The following VPS37A variants were observed in gnomAD, a reference collection of about 807,000 sequenced individuals.
The protein encoded by VPS37A is VPS37A subunit of ESCRT-I, also known as vacuolar protein sorting-associated protein 37A.
A neutral mutation model predicts 49.8 loss-of-function variants in VPS37A; 30 were observed. That is an observed-to-expected ratio of 0.60 (90% confidence interval 0.45 to 0.82). VPS37A has a LOEUF of 0.82. VPS37A is among the 40% of genes least tolerant of loss of function. VPS37A has a pLI of 0.00. For synonymous variants in VPS37A, 195 were observed against 160.6 expected (o/e 1.21, Z -1.62); for missense variants, 593 against 464.4 (o/e 1.28, Z -2.55).
intron 1 of VPS37A, among the ~76,000 whole-genome samples, chr8:17,249,280 T>C (rs998122338): frequency 6.6e-6 from 1 of 152,324 alleles, no homozygotes; most frequent in Non-Finnish European, 1.5e-5. Context: ...CAGCAATTGT[T>C]AATGTAAAGA....
At chr8:17,270,112 C>T (rs1454615794) in intron 4 of VPS37A, among the ~76,000 whole-genome samples, 1 of 151,990 alleles carries the variant, frequency 6.6e-6, no homozygotes, top group Non-Finnish European at 1.5e-5. Context: ...AGGACAGCAC[C>T]AAGAGGATGG....
chr8:17,329,307 T>C, the VPS37A span, among the ~76,000 whole-genome samples: 1 of 152,282 alleles, frequency 6.6e-6, no homozygotes, highest in East Asian at 1.9e-4. Flanking sequence ...TAAAAACAGA[T>C]AGTCAAACAT....
At chr8:17,332,630 C>T in the VPS37A span, among the ~76,000 whole-genome samples, 1 of 152,200 alleles carries the variant, frequency 6.6e-6, no homozygotes. Context: ...TGCCCAGCAT[C>T]ACAAGAGAAG....
rs766156946 is a variant in VPS37A at position 17,274,976 on chromosome 8, T to C, written c.642+18T>C. On this transcript the variant is annotated intron_variant, in intron 5 of 11. Transcript: ENST00000324849. ...CAATACCGGTTGGTATCGTCAGTTA[T>C]CTATATTTTGTGCCACTGAAACATT... is the stretch of plus-strand genomic sequence containing the variant. The C allele has an allele frequency of 1.9e-6, 3 of 1,606,816 alleles. No individual in the cohort carries two copies. The highest frequency in any genetic ancestry group is 2.6e-6 in the Non-Finnish European group (3 of 1,173,704).
At position 17,265,252 on chromosome 8, in the gene VPS37A, G is replaced by A. The variant is rs143351671; in HGVS notation, c.126-655G>A. On this transcript the variant is annotated intron_variant, in intron 1 of 11. Coordinates refer to ENST00000324849, the MANE Select transcript of VPS37A (RefSeq NM_152415.3). ...AGGGCAAAATGGGCTCATATCAGTTGTCTATTATTTTGTTCCCTTTAAGAT... is the reference window on the plus strand; with the variant it reads ...AGGGCAAAATGGGCTCATATCAGTTATCTATTATTTTGTTCCCTTTAAGAT... Among the ~76,000 whole-genome samples the A allele has an allele frequency of 3.7e-3, 562 of 152,250 alleles. 3 individuals carry two copies. Among genetic ancestry groups the A allele is most frequent in the African/African-American group, 8.9e-3 (368 of 41,546 alleles).
intron 10 of VPS37A, among the ~76,000 whole-genome samples, chr8:17,286,034 T>A (rs1351278185): frequency 6.6e-6 from 1 of 152,112 alleles, no homozygotes. Flanking sequence ...CCCAGTCGAC[T>A]GGGCTGAGGG....
chr8:17,311,457 G>A, the VPS37A span: 4 of 1,610,756 alleles, frequency 2.5e-6, no homozygotes, highest in Non-Finnish European at 3.4e-6. Context: ...AAAAACAGGG[G>A]TCCATTCCTG....
In VPS37A at chr8:17,276,399, A is replaced by G; in HGVS notation, c.645A>G (p.Thr215=). Residue 215 remains threonine, a splice_region_variant and synonymous_variant, in exon 6 of 12, where the codon ACA becomes ACG. Transcript: ENST00000324849. ...TATCATTTAAAACTTTTCTTTAGAC[A>G]AGCCAAAATGGTTTTGGGTACAAGA... The part of the protein sequence containing the change: ...PIPTVDASIP[T]SQNGFGYKMP... The G allele has an allele frequency of 6.2e-7, 1 of 1,611,340 alleles. No individual in the cohort carries two copies. The highest frequency in any genetic ancestry group is 1.1e-5 in the South Asian group (1 of 90,400).
chr8:17,319,667 A>G, the VPS37A span, among the ~76,000 whole-genome samples: 10 of 152,202 alleles, frequency 6.6e-5, no homozygotes, highest in Non-Finnish European at 7.3e-5. Context: ...GAAGGCACTT[A>G]TTATTCTCAT....
At chr8:17,283,883 A>C (rs1472059818) in intron 9 of VPS37A, among the ~76,000 whole-genome samples, 1 of 152,202 alleles carries the variant, frequency 6.6e-6, no homozygotes, top group East Asian at 1.9e-4. Context: ...AGATTTTGAT[A>C]GGGATTGCAT....
the VPS37A span, among the ~76,000 whole-genome samples, chr8:17,329,137 T>C: frequency 6.6e-6 from 1 of 152,194 alleles, no homozygotes; most frequent in Non-Finnish European, 1.5e-5. Flanking sequence ...ATGAAACGCA[T>C]CATTCATTCC....
At chr8:17,278,926 T>A (rs1275431499) in intron 6 of VPS37A, among the ~76,000 whole-genome samples, 1 of 152,140 alleles carries the variant, frequency 6.6e-6, no homozygotes, top group Non-Finnish European at 1.5e-5. Flanking sequence ...TAGTCAAAAC[T>A]AAGATACGTT....
At chr8:17,321,656 A>G in the VPS37A span, among the ~76,000 whole-genome samples, 2 of 152,328 alleles carry the variant, frequency 1.3e-5, no homozygotes, top group African/African-American at 4.8e-5. Context: ...AGAAATACTT[A>G]TTTGTTCACT....
chr8:17,247,980 CTCAAGAATTACTTTATGT>C (rs1811495450), intron 1 of VPS37A: 1 of 563,476 alleles, frequency 1.8e-6, no homozygotes, highest in African/African-American at 1.9e-5. Flanking sequence ...TGTCCCCACG[CTCAAGAATTACTTTATGT>C]TCATCTTGAT....
Position 17,274,782 on chromosome 8 carries a change from C to G in VPS37A, c.466C>G (p.Pro156Ala). The G allele has an allele frequency of 6.2e-7, 1 of 1,614,090 alleles. No homozygotes were observed. Among genetic ancestry groups the G allele is most frequent in the South Asian group, 1.1e-5 (1 of 91,078 alleles). ...GTCTCCTTATGCTTCTCAGGGTTTTCCATTTCTTCCTCCATATCCTCCACA... is the reference window on the plus strand; with the variant it reads ...GTCTCCTTATGCTTCTCAGGGTTTTGCATTTCTTCCTCCATATCCTCCACA... ...GMSPYASQGFPFLPPYPPQEA... is the reference protein window; with the variant it reads ...GMSPYASQGFAFLPPYPPQEA... Residue 156 changes from proline to alanine, a missense_variant, in exon 5 of 12, where the codon CCA (proline) becomes GCA (alanine). Coordinates refer to ENST00000324849, the MANE Select transcript of VPS37A (RefSeq NM_152415.3).
chr8:17,310,428 G>A, the VPS37A span, among the ~76,000 whole-genome samples: 18 of 152,144 alleles, frequency 1.2e-4, no homozygotes, highest in African/African-American at 3.9e-4. Flanking sequence ...TTGACAACTC[G>A]AGACATTTTC....
chr8:17,326,876 TAATA>T, the VPS37A span, among the ~76,000 whole-genome samples: 10 of 152,286 alleles, frequency 6.6e-5, no homozygotes, highest in African/African-American at 2.4e-4. Flanking sequence ...AACCATGAGA[TAATA>T]AATATCATTT....
At chr8:17,269,551 A>AT (rs1186400082) in intron 4 of VPS37A, among the ~76,000 whole-genome samples, 2 of 152,104 alleles carry the variant, frequency 1.3e-5, no homozygotes, top group African/African-American at 4.8e-5. Context: ...CCTTTAAACC[A>AT]TTTTTTTCAT....
intron 5 of VPS37A, 34 bp from the exon 6 acceptor site, chr8:17,276,363 C>T (rs373986816): frequency 1.3e-6 from 2 of 1,573,402 alleles, no homozygotes; most frequent in South Asian, 1.1e-5. Flanking sequence ...AAAATAATGG[C>T]TGAAATTTAA....
Sources: allele counts gnomAD v4.1 joint callset (sites outside exome capture counted in the v4.1 genomes callset), GRCh38; gene constraint gnomAD v4.1.1; transcripts MANE v1.5; gene names NCBI Gene and HGNC (gene_info 2026-07-23, HGNC 2026-07-21).